Variants in FBN1 observed in about 807,000 individuals in gnomAD.
FBN1 encodes fibrillin-1.
In FBN1, 29 loss-of-function variants were observed where a neutral mutation model predicts 365.1. The ratio of observed to expected loss-of-function variants is 0.08; its 90% CI spans 0.06 to 0.11. FBN1 has a LOEUF of 0.11. Among genes scored for constraint, FBN1 ranks in the 10% least tolerant of loss-of-function variants. FBN1 has a pLI of 1.00. For missense variants in FBN1, 2,476 were observed against 3,703.2 expected (o/e 0.67, Z 8.60); for synonymous variants, 1,210 against 1,270.5 (o/e 0.95, Z 1.01).
intron 50 of FBN1, among the ~76,000 whole-genome samples, chr15:48,438,250 CACAGAAGG>C (rs1401404641): frequency 1.3e-5 from 2 of 152,082 alleles, no homozygotes; most frequent in Non-Finnish European, 2.9e-5. Context: ...TTGGAAAGTC[CACAGAAGG>C]AATCATTCAC....
At chr15:48,479,653 T>C (rs1315374459) in intron 32 of FBN1, among the ~76,000 whole-genome samples, 1 of 152,240 alleles carries the variant, frequency 6.6e-6, no homozygotes, top group Non-Finnish European at 1.5e-5. Context: ...ACTTCAAATC[T>C]ATGTTCATGT....
chr15:48,562,456 G>A (rs2044229938), intron 6 of FBN1, among the ~76,000 whole-genome samples: 1 of 152,174 alleles, frequency 6.6e-6, no homozygotes, highest in South Asian at 2.1e-4. Context: ...GTCAATGTAA[G>A]AGAACTCCAA....
rs748929044 is a variant in FBN1, at chr15:48,520,811, C to T, written c.995G>A (p.Arg332His). 33 of 1,613,944 alleles carry T rather than the reference C, an allele frequency of 2.0e-5. No homozygotes were observed. The highest frequency in any genetic ancestry group is 7.7e-5 in the South Asian group (7 of 91,070). ...CAGAGCTGTGTAACAGTATCCTGGG[C>T]GAACATCTGAGGACAAAGAAACACA... ...SPDGTRCIDV[R>H]PGYCYTALTN... The change falls in exon 10 of 66, where the codon CGC (arginine) becomes CAC (histidine). Residue 332 changes from arginine (R) to histidine (H), a missense_variant. Around this residue, in one of 5 missense-constraint regions of FBN1, gnomAD observed 421 missense variants for 520.1 expected, o/e 0.81. Coordinates refer to ENST00000316623, the MANE Select transcript of FBN1 (RefSeq NM_000138.5).
At chr15:48,603,862 G>A (rs540579302) in intron 4 of FBN1, among the ~76,000 whole-genome samples, 1 of 152,286 alleles carries the variant, frequency 6.6e-6, no homozygotes, top group South Asian at 2.1e-4. Context: ...CCTTGAAGAC[G>A]AGCAGACAGC....
intron 37 of FBN1, 123 bp from the exon 38 acceptor site, chr15:48,468,225 G>T: frequency 7.3e-7 from 1 of 1,374,762 alleles, no homozygotes; most frequent in Non-Finnish European, 1.0e-6. Context: ...ACTAAAAAGT[G>T]CCCATGAACA....
Position 48,468,006 on chromosome 15 carries a change from G to C in FBN1, c.4679C>G (p.Ala1560Gly). Residue 1560 changes from alanine (A) to glycine (G), a missense_variant, in exon 38 of 66, where the codon GCT becomes GGT. Ala to Gly is a moderately conservative substitution (Grantham distance 60). This residue lies in a region of FBN1 where 1,780 missense variants were observed against 2,840.8 expected (regional missense o/e 0.63). Coordinates refer to ENST00000316623, the MANE Select transcript of FBN1 (RefSeq NM_000138.5). ...TTTACCCAGAGAACAGCAGCAGGAA[G>C]CTTTGGAAACACCAACTCCAATTTC... ...SNEIGVGVSK[A>G]SCCCSLGKAW... is the part of the protein sequence containing the mutation. The C allele has an allele frequency of 6.2e-7, 1 of 1,614,150 alleles. No homozygotes were observed. The highest frequency in any genetic ancestry group is 8.5e-7 in the Non-Finnish European group (1 of 1,179,998).
At chr15:48,498,261 C>T (rs970427874) in intron 18 of FBN1, among the ~76,000 whole-genome samples, 1 of 152,118 alleles carries the variant, frequency 6.6e-6, no homozygotes, top group African/African-American at 2.4e-5. Context: ...TACCTCTCCT[C>T]TTTCCTCCTC....
chr15:48,629,723 T>C (rs959488234), intron 2 of FBN1, among the ~76,000 whole-genome samples: 3 of 152,354 alleles, frequency 2.0e-5, no homozygotes, highest in African/African-American at 7.2e-5. Context: ...TGGATCATCA[T>C]TGTATCCTTC....
chr15:48,428,148 A>T, intron 57 of FBN1, 198 bp downstream of exon 57: 1 of 709,020 alleles, frequency 1.4e-6, no homozygotes, highest in South Asian at 1.8e-5. Flanking sequence ...GGATCCAATT[A>T]GCAAAGGAAG....
At chr15:48,434,805 G>T in intron 53 of FBN1, 92 bp from the exon 54 acceptor site, 1 of 1,506,910 alleles carries the variant, frequency 6.6e-7, no homozygotes, top group Non-Finnish European at 9.1e-7. Flanking sequence ...TTTTGTTGTT[G>T]TTGTTGTTTT....
intron 2 of FBN1, chr15:48,643,647 C>T (rs1364974473): frequency 6.6e-6 from 1 of 152,156 alleles, no homozygotes; most frequent in Non-Finnish European, 1.5e-5. Flanking sequence ...AGGAAAAGAG[C>T]ATCAGCGAGA....
intron 6 of FBN1, among the ~76,000 whole-genome samples, chr15:48,582,051 C>G (rs1287365529): frequency 6.6e-6 from 1 of 152,216 alleles, no homozygotes; most frequent in African/African-American, 2.4e-5. Context: ...GGTATTAACA[C>G]TTCACAGAAT....
chr15:48,599,187 T>A (rs1239505098), intron 5 of FBN1, among the ~76,000 whole-genome samples: 1 of 152,208 alleles, frequency 6.6e-6, no homozygotes, highest in East Asian at 1.9e-4. Flanking sequence ...TGTTTATTTA[T>A]AATAACATTA....
At chr15:48,582,175 A>C (rs1485959207) in intron 6 of FBN1, among the ~76,000 whole-genome samples, 1 of 152,228 alleles carries the variant, frequency 6.6e-6, no homozygotes, top group African/African-American at 2.4e-5. Context: ...GAATTACAGG[A>C]AATTCAAGAA....
intron 56 of FBN1, among the ~76,000 whole-genome samples, chr15:48,429,977 T>G (rs1286526470): frequency 6.6e-6 from 1 of 152,228 alleles, no homozygotes; most frequent in Non-Finnish European, 1.5e-5. Context: ...ATTTTAGGCT[T>G]TGTGGGTCAT....
intron 50 of FBN1, among the ~76,000 whole-genome samples, chr15:48,441,196 C>A (rs1301721660): frequency 6.6e-6 from 1 of 152,144 alleles, no homozygotes; most frequent in Non-Finnish European, 1.5e-5. Flanking sequence ...AAATAGTTGA[C>A]AAGTATTATT....
chr15:48,513,455 G>A (rs1438935636), intron 13 of FBN1, 94 bp downstream of exon 13: 31 of 1,567,592 alleles, frequency 2.0e-5, no homozygotes, highest in South Asian at 8.9e-5. Flanking sequence ...AGTCTCTTCC[G>A]GCATGGGTTA....
At chr15:48,591,596 T>C (rs931260929) in intron 6 of FBN1, among the ~76,000 whole-genome samples, 1 of 152,246 alleles carries the variant, frequency 6.6e-6, no homozygotes, top group African/African-American at 2.4e-5. Context: ...AAACCCTACA[T>C]TTGAAACATC....
intron 48 of FBN1, 111 bp downstream of exon 48, chr15:48,445,263 ACT>A: frequency 9.2e-7 from 1 of 1,092,606 alleles, no homozygotes; most frequent in Non-Finnish European, 1.4e-6. Context: ...ATATAATTCT[ACT>A]CTGACTTTTC....
Sources: allele counts gnomAD v4.1 joint callset (sites outside exome capture counted in the v4.1 genomes callset), GRCh38; gene constraint gnomAD v4.1.1; regional missense constraint gnomAD v4.1.1; transcripts MANE v1.5; gene names NCBI Gene and HGNC (gene_info 2026-07-23, HGNC 2026-07-21).